UBN2: variants seen among roughly 807,000 people sequenced by gnomAD.
The protein encoded by UBN2 is ubinuclein 2, also known as ubinuclein-2.
In UBN2, 35 loss-of-function variants were observed where a neutral mutation model predicts 120.2. The ratio of observed to expected loss-of-function variants is 0.29; its 90% CI spans 0.22 to 0.39. The LOEUF is 0.39. Ranked by LOEUF, UBN2 falls within the 10% of genes least tolerant of loss-of-function variation. The probability of loss-of-function intolerance (pLI) is 1.00; values close to 1 mark genes in which losing one functional copy is unlikely to be tolerated. For synonymous variants in UBN2, 661 were observed against 648.7 expected, an observed-to-expected ratio of 1.02 and a Z score of -0.29; for missense variants, 1,693 against 1,663.2, an observed-to-expected ratio of 1.02 and a Z score of -0.31.
the UBN2 span, among the ~76,000 whole-genome samples, chr7:139,329,508 C>T: frequency 1.3e-5 from 2 of 152,116 alleles, no homozygotes; most frequent in Non-Finnish European, 2.9e-5. Context: ...AATGTATATT[C>T]AGTATTGAGC....
At chr7:139,293,207 AT>A in intron 15 of UBN2, 24 bp from the exon 16 acceptor site, 2 of 1,596,478 alleles carry the variant, frequency 1.3e-6, no homozygotes, top group Non-Finnish European at 1.7e-6. Context: ...TTTCTTATGT[AT>A]TTTGACCCCT....
chr7:139,311,938 G>A (rs1451987136), downstream of UBN2, among the ~76,000 whole-genome samples: 1 of 152,218 alleles, frequency 6.6e-6, no homozygotes, highest in Non-Finnish European at 1.5e-5. Context: ...GCCATTCCAA[G>A]GGCCTGGCTC....
the UBN2 span, among the ~76,000 whole-genome samples, chr7:139,321,982 C>CTTT: frequency 6.8e-6 from 1 of 146,670 alleles, no homozygotes; most frequent in Non-Finnish European, 1.5e-5. Flanking sequence ...GAAAAAGAGA[C>CTTT]TTTTTTTTTT....
Position 139,243,436 on chromosome 7 carries a change from AAG to A in UBN2, c.561+6344_561+6345del, listed in dbSNP as rs532256613. 5.7e-3 allele frequency among the ~76,000 whole-genome samples: 867 copies of A among 152,336 alleles called. 5 individuals carry two copies. The highest frequency in any genetic ancestry group is 0.017 in the Middle Eastern group (5 of 294). ...TTCTGTTGCAGTAAGGGTACTGAAA[AAG>A]AGAGTAATTCAACAGAAGTCTTTCT... On this transcript the variant is annotated intron_variant, in intron 2 of 17. Coordinates refer to ENST00000473989, the MANE Select transcript of UBN2 (RefSeq NM_173569.4).
chr7:139,286,845 C>CT (rs1182861144), intron 15 of UBN2, among the ~76,000 whole-genome samples: 4 of 152,112 alleles, frequency 2.6e-5, no homozygotes, highest in African/African-American at 4.8e-5. Context: ...TCAATATAGT[C>CT]TAAGGGTTGA....
In UBN2 at chr7:139,305,469, G is replaced by C. The variant is rs2131094558; in HGVS notation, c.*7633G>C. ...TCAGGATTTTAATCAGACTGCCTTT[G>C]AATAATGTGATATTAAATTTTATTT... On this transcript the variant is annotated 3_prime_UTR_variant, in exon 18 of 18. Coordinates refer to ENST00000473989, the MANE Select transcript of UBN2 (RefSeq NM_173569.4). 6.6e-6 allele frequency: 1 copy of C among 152,310 alleles called. No homozygotes were observed. Among genetic ancestry groups the C allele is most frequent in the East Asian group, 1.9e-4 (1 of 5,190 alleles). The allele number at this position is 152,310 out of a possible 1,614,324, so 9.4% of individuals were successfully genotyped here.
chr7:139,261,591 T>C lies in UBN2; in HGVS notation c.1245T>C (p.Ala415=), dbSNP rs369577313. 209 of 1,614,078 alleles carry C rather than the reference T, an allele frequency of 1.3e-4. No homozygotes were observed. Among genetic ancestry groups the C allele is most frequent in the Non-Finnish European group, 1.7e-4 (197 of 1,180,040 alleles). The change falls in exon 6 of 18, where the codon GCT becomes GCC. Residue 415 remains alanine, a synonymous_variant. Coordinates refer to ENST00000473989, the MANE Select transcript of UBN2 (RefSeq NM_173569.4). ...ACTTCGACAGATTACTGGATGCTGC[T>C]TCTGATGGTAGCCCCCTATCTGAGT... The part of the protein sequence containing the change: ...DFDFDRLLDA[A]SDGSPLSESG...
At chr7:139,271,362 A>G (rs1209412381) in intron 8 of UBN2, among the ~76,000 whole-genome samples, 1 of 152,096 alleles carries the variant, frequency 6.6e-6, no homozygotes, top group Non-Finnish European at 1.5e-5. Context: ...CGAGGCAGGC[A>G]GATCACTTGA....
chr7:139,272,520 A>T, intron 9 of UBN2, 80 bp downstream of exon 9: 1 of 827,128 alleles, frequency 1.2e-6, no homozygotes. Context: ...GTATGTATGT[A>T]TGTATGTATG....
intron 13 of UBN2, among the ~76,000 whole-genome samples, chr7:139,280,672 G>A (rs749973979): frequency 2.6e-5 from 4 of 152,138 alleles, no homozygotes; most frequent in Non-Finnish European, 5.9e-5. Flanking sequence ...TGGAGACAGA[G>A]TCTCACTCTA....
At chr7:139,273,731 C>T (rs976008050) in intron 10 of UBN2, among the ~76,000 whole-genome samples, 200 bp from the exon 11 acceptor site, 1 of 152,186 alleles carries the variant, frequency 6.6e-6, no homozygotes, top group Non-Finnish European at 1.5e-5. Context: ...AAGTAGAGAA[C>T]CATCCCTTTC....
Position 139,293,981 on chromosome 7 carries a change from G to A in UBN2, c.3994G>A (p.Asp1332Asn), listed in dbSNP as rs1429599333. 5.0e-6 allele frequency: 8 copies of A among 1,613,618 alleles called. No homozygotes were observed. The highest frequency in any genetic ancestry group is 2.2e-5 in the East Asian group (1 of 44,876). The change falls in exon 17 of 18, where the codon GAT becomes AAT. Residue 1332 changes from aspartate to asparagine, a missense_variant and splice_region_variant. Asp to Asn is a conservative substitution (Grantham distance 23, BLOSUM62 1). Coordinates refer to ENST00000473989, the MANE Select transcript of UBN2 (RefSeq NM_173569.4). ...LPAHLQQAFH[D>N]GGQSKGDTKL... ...TGCACACTTACAGCAAGCATTTCAC[G>A]GTGAGAACGCCACCTCCTTCATCTC...
the UBN2 span, among the ~76,000 whole-genome samples, chr7:139,329,399 A>G: frequency 6.6e-6 from 1 of 151,646 alleles, no homozygotes; most frequent in African/African-American, 2.4e-5. Flanking sequence ...CTTAAAAAAA[A>G]AATTACTGTT....
the UBN2 span, among the ~76,000 whole-genome samples, chr7:139,316,752 TAAA>T: frequency 1.3e-5 from 2 of 151,562 alleles, no homozygotes; most frequent in African/African-American, 4.9e-5. Flanking sequence ...TCTCAAAAAA[TAAA>T]AAATTATGTA....
intron 1 of UBN2, among the ~76,000 whole-genome samples, chr7:139,235,200 A>T (rs1796131302): frequency 6.6e-6 from 1 of 152,124 alleles, no homozygotes; most frequent in African/African-American, 2.4e-5. Flanking sequence ...GTCATACCAT[A>T]GTAAGTATTT....
intron 15 of UBN2, among the ~76,000 whole-genome samples, chr7:139,286,009 C>T (rs1473082416): frequency 6.6e-6 from 1 of 152,222 alleles, no homozygotes; most frequent in Admixed American, 6.5e-5. Flanking sequence ...TCACTGCAAC[C>T]TCCACCTCCC....
At chr7:139,292,217 C>T (rs1797980376) in intron 15 of UBN2, among the ~76,000 whole-genome samples, 2 of 152,102 alleles carry the variant, frequency 1.3e-5, no homozygotes, top group Non-Finnish European at 1.5e-5. Context: ...GATTGCACCA[C>T]TGCACTCCAG....
rs1188891554 is a variant in UBN2, at chr7:139,279,172, T to G, written c.2025-146T>G. ...GGAAAATGTTGCTACATACTTCGTA[T>G]AAACTGAGCACTTAAATACGGTTCC... On this transcript the variant is annotated intron_variant, in intron 12 of 17. Transcript: ENST00000473989. 4.7e-6 allele frequency: 3 copies of G among 640,680 alleles called. No individual in the cohort carries two copies. In the East Asian group the frequency reaches 8.7e-5, roughly 19 times the overall value. The allele number at this position is 640,680 out of a possible 1,614,324, so 39.7% of individuals were successfully genotyped here. A position where few individuals can be genotyped will look rare whatever the true frequency, so the allele number is the denominator to read the frequency against.
intron 8 of UBN2, among the ~76,000 whole-genome samples, chr7:139,271,532 G>A (rs1797273941): frequency 1.3e-5 from 2 of 151,270 alleles, no homozygotes; most frequent in African/African-American, 4.9e-5. Context: ...GTTGCAGTGA[G>A]CCAAGATGGT....
Sources: allele counts gnomAD v4.1 joint callset (sites outside exome capture counted in the v4.1 genomes callset), GRCh38; gene constraint gnomAD v4.1.1; transcripts MANE v1.5; gene names NCBI Gene and HGNC (gene_info 2026-07-23, HGNC 2026-07-21).